The following DLGAP2 variants were observed in gnomAD, a reference collection of about 807,000 sequenced individuals.
The protein encoded by DLGAP2 is DLG associated protein 2.
Under a neutral mutation model 100.3 loss-of-function variants are expected in DLGAP2, and 26 were observed. That is an observed-to-expected ratio of 0.26 (90% CI 0.19 to 0.36). DLGAP2 has a LOEUF of 0.36. Ranked by LOEUF, DLGAP2 falls within the 10% of genes least tolerant of loss-of-function variation. The pLI, the probability that DLGAP2 is intolerant of heterozygous loss-of-function variation, is 1.00. For missense variants in DLGAP2, 1,858 were observed against 1,453.2 expected (o/e 1.28, Z -4.53); for synonymous variants, 886 against 630.1 (o/e 1.41, Z -6.08).
At chr8:1,349,596 C>A (rs2003629) in intron 3 of DLGAP2, among the ~76,000 whole-genome samples, 8,035 of 105,626 alleles carry the variant, frequency 0.076, 215 homozygotes, top group Non-Finnish European at 0.11. Flanking sequence ...CTATCATGAG[C>A]CTCCTGCCCA....
chr8:1,569,852 T>C (rs571313756), intron 6 of DLGAP2, among the ~76,000 whole-genome samples: 1 of 149,896 alleles, frequency 6.7e-6, no homozygotes, highest in African/African-American at 2.5e-5. Flanking sequence ...GAGGGCAGGA[T>C]AGATCTTCAC....
At chr8:1,109,054 A>G (rs1432825717) in intron 2 of DLGAP2, among the ~76,000 whole-genome samples, 6 of 110,940 alleles carry the variant, frequency 5.4e-5, no homozygotes, top group Admixed American at 9.5e-5. Flanking sequence ...GCATGTGCCT[A>G]TGAAGTGTGC....
intron 1 of DLGAP2, among the ~76,000 whole-genome samples, chr8:794,415 A>G (rs940483011): frequency 2.0e-5 from 3 of 152,210 alleles, no homozygotes; most frequent in African/African-American, 7.2e-5. Flanking sequence ...ATTTACCTGC[A>G]TATTTATTAA....
rs1314595744 is a variant in DLGAP2, at chr8:887,379, G to A, written c.19-20533G>A. ...GGCATTTAGCCCATTTACATTTAAG[G>A]TTAGTATTGTTATGTATGAATTTGA... On this transcript the variant is annotated intron_variant, in intron 1 of 14. Coordinates refer to ENST00000637795, the MANE Select transcript of DLGAP2 (RefSeq NM_001346810.2). 3.3e-5 allele frequency among the ~76,000 whole-genome samples: 5 copies of A among 152,226 alleles called. No individual in the cohort carries two copies. In the East Asian group the frequency reaches 9.6e-4, roughly 29 times the overall value.
chr8:776,686 C>T (rs1039238252), intron 1 of DLGAP2, among the ~76,000 whole-genome samples: 3 of 152,162 alleles, frequency 2.0e-5, no homozygotes, highest in African/African-American at 7.2e-5. Context: ...ATCCTGACTT[C>T]TAGTTTGATT....
At chr8:1,346,193 T>C (rs1801551099) in intron 3 of DLGAP2, among the ~76,000 whole-genome samples, 1 of 152,252 alleles carries the variant, frequency 6.6e-6, no homozygotes, top group Admixed American at 6.5e-5. Context: ...CATACAGAGC[T>C]GCATTGCACT....
rs1404280615 is a variant in DLGAP2, at chr8:868,655, A to C, written c.19-39257A>C. On this transcript the variant is annotated intron_variant, in intron 1 of 14. Transcript: ENST00000637795. ...CGCTGGAGCATTCATGTGCTCTTCC[A>C]AGGGTGCGCGGCACCTTGAAGAAGG... 2.6e-5 allele frequency among the ~76,000 whole-genome samples: 4 copies of C among 152,310 alleles called. No homozygotes were observed. The South Asian group carries it at 6.2e-4, about 24-fold the overall frequency.
chr8:1,237,254 A>G (rs1439837266), intron 2 of DLGAP2, among the ~76,000 whole-genome samples: 2 of 132,378 alleles, frequency 1.5e-5, no homozygotes, highest in South Asian at 4.8e-4. Context: ...TCTCTCTCAC[A>G]TGGTGCTATG....
intron 1 of DLGAP2, among the ~76,000 whole-genome samples, chr8:750,155 A>C (rs1820754019): frequency 6.6e-6 from 1 of 152,204 alleles, no homozygotes; most frequent in Non-Finnish European, 1.5e-5. Flanking sequence ...AGGGCCGGTT[A>C]GGCCGGCTGC....
intron 1 of DLGAP2, among the ~76,000 whole-genome samples, chr8:743,123 G>T (rs1291495575): frequency 6.6e-6 from 1 of 152,094 alleles, no homozygotes; most frequent in Non-Finnish European, 1.5e-5. Flanking sequence ...TTTCCAAAAA[G>T]TTTTGGACCC....
At chr8:1,279,406 C>G (rs1799770530) in intron 3 of DLGAP2, among the ~76,000 whole-genome samples, 1 of 152,114 alleles carries the variant, frequency 6.6e-6, no homozygotes, top group Non-Finnish European at 1.5e-5. Flanking sequence ...ATTGATTTTA[C>G]CAAGAAGTAT....
chr8:1,691,767 T>TA, intron 13 of DLGAP2, 141 bp downstream of exon 13: 1 of 757,856 alleles, frequency 1.3e-6, no homozygotes, highest in Non-Finnish European at 2.1e-6. Flanking sequence ...AGAAGAGGCT[T>TA]CCCGCCCTGG....
intron 3 of DLGAP2, among the ~76,000 whole-genome samples, chr8:1,359,187 C>T (rs2129647418): frequency 6.6e-6 from 1 of 152,252 alleles, no homozygotes; most frequent in South Asian, 2.1e-4. Context: ...CCCAGGACAC[C>T]CTGGAGGACA....
intron 5 of DLGAP2, among the ~76,000 whole-genome samples, chr8:1,555,552 G>T (rs1443548917): frequency 2.0e-5 from 3 of 152,324 alleles, no homozygotes; most frequent in South Asian, 4.1e-4. Flanking sequence ...TCTCGCTGGT[G>T]CTCACCGAGC....
At chr8:904,285 C>T (rs1363499410) in intron 1 of DLGAP2, among the ~76,000 whole-genome samples, 2 of 151,964 alleles carry the variant, frequency 1.3e-5, no homozygotes, top group African/African-American at 2.4e-5. Context: ...TTTGGGAGGC[C>T]GAGGTGGGTG....
chr8:966,987 C>A (rs973133658), intron 2 of DLGAP2, among the ~76,000 whole-genome samples: 1 of 152,212 alleles, frequency 6.6e-6, no homozygotes, highest in Non-Finnish European at 1.5e-5. Context: ...TGAGTGGCTG[C>A]GTGACATTGC....
At chr8:854,907 T>C (rs17065349) in intron 1 of DLGAP2, among the ~76,000 whole-genome samples, 1 of 152,218 alleles carries the variant, frequency 6.6e-6, no homozygotes, top group Non-Finnish European at 1.5e-5. Context: ...AGGAACGGCA[T>C]GCCCGGATTT....
At position 837,408 on chromosome 8, in the gene DLGAP2, C is replaced by T. The variant is rs542406984; in HGVS notation, c.19-70504C>T. ...GAATTTATTAAACACCAGTTTTGAC[C>T]AAGACTCCAAACTGAAGCACGATGA... On this transcript the variant is annotated intron_variant, in intron 1 of 14. Coordinates refer to ENST00000637795, the MANE Select transcript of DLGAP2 (RefSeq NM_001346810.2). Among the ~76,000 whole-genome samples, 12 of 152,260 alleles carry T rather than the reference C, an allele frequency of 7.9e-5. No homozygotes were observed. The South Asian group carries it at 1.2e-3, about 16-fold the overall frequency.
chr8:830,936 C>T (rs1411274480), intron 1 of DLGAP2, among the ~76,000 whole-genome samples: 1 of 150,756 alleles, frequency 6.6e-6, no homozygotes, highest in East Asian at 1.9e-4. Flanking sequence ...TGTTCTGTCA[C>T]CCAGGCTGGA....
Sources: gnomAD v4.1 joint callset for allele counts (sites outside exome capture counted in the v4.1 genomes callset) on GRCh38, gnomAD v4.1.1 for gene constraint, MANE v1.5 for transcripts, NCBI Gene and HGNC (gene_info 2026-07-23, HGNC 2026-07-21) for gene names.